POTEB3: variants seen among roughly 807,000 people sequenced by gnomAD.
POTEB3 encodes ANKRD26-like family B member 1.
Under a neutral mutation model 39.8 loss-of-function variants are expected in POTEB3, and 5 were observed. The observed-to-expected ratio is 0.13, with a 90% CI of 0.07 to 0.26. POTEB3 has a LOEUF of 0.26. Ranked by LOEUF, POTEB3 falls within the 10% of genes least tolerant of loss-of-function variation. The pLI, the probability that POTEB3 is intolerant of heterozygous loss-of-function variation, is 1.00. For missense variants in POTEB3, 24 were observed against 475.6 expected, an observed-to-expected ratio of 0.05 and a Z score of 8.83; for synonymous variants, 5 against 161.5, an observed-to-expected ratio of 0.03 and a Z score of 7.35.
At chr15:21,419,924 C>T (rs1269991047) in intron 8 of POTEB3, among the ~76,000 whole-genome samples, 1 of 127,588 alleles carries the variant, frequency 7.8e-6, no homozygotes, top group Non-Finnish European at 1.7e-5. Context: ...TGCTTTTATT[C>T]CCAAAAACTC....
chr15:21,426,322 T>C (rs1898702842), intron 6 of POTEB3: 1 of 380,728 alleles, frequency 2.6e-6, no homozygotes, highest in South Asian at 2.0e-5. Flanking sequence ...TCATTCCTCA[T>C]CACGTATGTC....
rs2458871 is a variant in POTEB3, at chr15:21,417,975, G to A, written c.1409+1489C>T. 1.9e-5 allele frequency among the ~76,000 whole-genome samples: 2 copies of A among 104,442 alleles called. 1 individual carries two copies. The highest frequency in any genetic ancestry group is 3.6e-5 in the Non-Finnish European group (2 of 55,756). The allele number at this position is 104,442 out of a possible 152,430, so 68.5% of individuals were successfully genotyped here. ...ATTAGCACCTGTGGGCCAAATCCAG[G>A]CCACTGACTGTTTTTGTAAGTAAAG... On this transcript the variant is annotated intron_variant, in intron 9 of 10. Coordinates refer to ENST00000611217, the MANE Select transcript of POTEB3 (RefSeq NM_207355.5).
chr15:21,414,402 G>T (rs1898375536), intron 9 of POTEB3, among the ~76,000 whole-genome samples: 2 of 110,508 alleles, frequency 1.8e-5, no homozygotes, highest in African/African-American at 1.1e-4. Flanking sequence ...TACAATTCTG[G>T]AATATAAAAT....
intron 6 of POTEB3, chr15:21,425,030 C>A: frequency 6.8e-6 from 1 of 147,918 alleles, no homozygotes; most frequent in East Asian, 2.0e-4. Context: ...AATGGGGATT[C>A]CAAACTTTAT....
intron 5 of POTEB3, chr15:21,428,791 A>G (rs1460843822): frequency 8.4e-6 from 1 of 118,952 alleles, no homozygotes; most frequent in East Asian, 2.3e-4. Context: ...TCACATTTCG[A>G]TATTTTGGTG....
intron 4 of POTEB3, among the ~76,000 whole-genome samples, chr15:21,431,096 G>A (rs1898945650): frequency 6.7e-6 from 1 of 149,066 alleles, no homozygotes; most frequent in Non-Finnish European, 1.5e-5. Flanking sequence ...CCTACAGCTT[G>A]CCTTCATTAA....
chr15:21,432,395 CTAGA>C (rs1292151691), intron 3 of POTEB3, among the ~76,000 whole-genome samples: 1 of 70,346 alleles, frequency 1.4e-5, no homozygotes, highest in Non-Finnish European at 2.9e-5. Context: ...AGATTGTTAA[CTAGA>C]TAGATAATCA....
Sources: gnomAD v4.1 joint callset for allele counts (sites outside exome capture counted in the v4.1 genomes callset) on GRCh38, gnomAD v4.1.1 for gene constraint, MANE v1.5 for transcripts, NCBI Gene and HGNC (gene_info 2026-07-23, HGNC 2026-07-21) for gene names.